PAH: variants seen among roughly 807,000 people sequenced by gnomAD.
PAH encodes the protein phenylalanine-4-hydroxylase.
In PAH, 64 loss-of-function variants were observed where a neutral mutation model predicts 62.0. The observed-to-expected ratio is 1.03, with a 90% CI of 0.84 to 1.27. The LOEUF is 1.27. Ranked by LOEUF, PAH falls within the 50% of genes most tolerant of loss-of-function variation. The probability of loss-of-function intolerance (pLI) is 0.00; values close to 1 mark genes in which losing one functional copy is unlikely to be tolerated. For missense variants in PAH, 579 were observed against 542.8 expected, an observed-to-expected ratio of 1.07 and a Z score of -0.66; for synonymous variants, 195 against 196.2, an observed-to-expected ratio of 0.99 and a Z score of 0.05.
intron 9 of PAH, among the ~76,000 whole-genome samples, chr12:102,845,541 A>G (rs1874800027): frequency 6.6e-6 from 1 of 152,238 alleles, no homozygotes; most frequent in South Asian, 2.1e-4. Context: ...CTGACAGTTC[A>G]ATATGTCCTA....
chr12:102,867,522 T>C (rs571691597), intron 4 of PAH, among the ~76,000 whole-genome samples: 2 of 152,272 alleles, frequency 1.3e-5, no homozygotes, highest in South Asian at 2.1e-4. Flanking sequence ...TTGATTGCAG[T>C]CTAAATTTTG....
chr12:102,868,741 T>C (rs1051652479), intron 4 of PAH, among the ~76,000 whole-genome samples: 2 of 152,192 alleles, frequency 1.3e-5, no homozygotes, highest in African/African-American at 2.4e-5. Context: ...ACCTGTCTAC[T>C]GGACTAAACA....
chr12:102,843,745 AG>A lies in PAH; in HGVS notation c.1099del (p.Leu367TrpfsTer33), dbSNP rs62506951. The A allele has an allele frequency of 1.2e-6, 2 of 1,613,780 alleles. No homozygotes were observed. Among genetic ancestry groups the A allele is most frequent in the Non-Finnish European group, 1.7e-6 (2 of 1,179,758 alleles). ...CLSEKPKLLP[L>X]ELEKTAIQNY... The stretch of plus-strand genomic sequence containing the variant: ...TTGGATGGCTGTCTTCTCCAGCTCC[AG>A]GGGGAGAAGCTTTGGCTTCTCTGAT... On this transcript the variant is annotated frameshift_variant, in exon 11 of 13. Transcript: ENST00000553106. LOFTEE classifies it high-confidence loss of function.
At chr12:102,877,979 T>C (rs1027149372) in intron 3 of PAH, among the ~76,000 whole-genome samples, 4 of 152,062 alleles carry the variant, frequency 2.6e-5, no homozygotes, top group Admixed American at 1.3e-4. Flanking sequence ...GTGCACGCCA[T>C]CATGCCTGCC....
Position 102,917,168 on chromosome 12 carries a change from G to A in PAH, c.-38C>T. On this transcript the variant is annotated 5_prime_UTR_variant, in exon 1 of 13. Coordinates refer to ENST00000553106, the MANE Select transcript of PAH (RefSeq NM_000277.3). The stretch of plus-strand genomic sequence containing the variant: ...GGAGTGAGGTCTCTGGCTTTTTAGG[G>A]CCTCAGGTACAGGCAGGTTTGCAAA... The A allele has an allele frequency of 6.2e-7, 1 of 1,601,036 alleles. No individual in the cohort carries two copies. Among genetic ancestry groups the A allele is most frequent in the Non-Finnish European group, 8.6e-7 (1 of 1,168,194 alleles).
At chr12:102,929,164 A>T (rs1293387372) in intron 1 of PAH, among the ~76,000 whole-genome samples, 1 of 152,168 alleles carries the variant, frequency 6.6e-6, no homozygotes, top group African/African-American at 2.4e-5. Flanking sequence ...GCCCTGCAGA[A>T]TGGTGGGTCA....
intron 2 of PAH, among the ~76,000 whole-genome samples, chr12:102,897,461 G>GTATATA (rs1877551768): frequency 7.7e-6 from 1 of 129,648 alleles, no homozygotes; most frequent in African/African-American, 3.8e-5. Flanking sequence ...ATGTGTGTGT[G>GTATATA]TGTGTATATA....
In PAH at chr12:102,844,312, CCTTGGTTCCTGTGA is replaced by C; in HGVS notation, c.1065+10_1065+23del. 1 of 1,498,710 alleles carries C rather than the reference CCTTGGTTCCTGTGA, an allele frequency of 6.7e-7. No homozygotes were observed. Among genetic ancestry groups the C allele is most frequent in the Non-Finnish European group, 9.3e-7 (1 of 1,074,914 alleles). 92.8% of individuals were successfully genotyped at this position (1,498,710 alleles called of 1,614,324 possible). A position where few individuals can be genotyped will look rare whatever the true frequency, so the allele number is the denominator to read the frequency against. On this transcript the variant is annotated intron_variant, in intron 10 of 12. Coordinates refer to ENST00000553106, the MANE Select transcript of PAH (RefSeq NM_000277.3). ...CTGTACCCACCACTTTTAAATCTAT[CCTTGGTTCCTGTGA>C]AGGTCATACCTGTAATTCACCAAAG...
chr12:102,867,921 A>G (rs528822571), intron 4 of PAH, among the ~76,000 whole-genome samples: 42 of 142,082 alleles, frequency 3.0e-4, no homozygotes, highest in African/African-American at 1.0e-3. Flanking sequence ...ATGTATATAC[A>G]TATATAGATG....
At chr12:102,848,437 TAGA>T in intron 8 of PAH, among the ~76,000 whole-genome samples, 1 of 140,042 alleles carries the variant, frequency 7.1e-6, no homozygotes, top group South Asian at 2.3e-4. Context: ...AGGTTGAGGA[TAGA>T]CAGGACACCA....
intron 1 of PAH, among the ~76,000 whole-genome samples, chr12:102,926,093 A>G (rs890506991): frequency 2.2e-4 from 34 of 152,260 alleles, no homozygotes; most frequent in African/African-American, 7.9e-4. Context: ...GTCTACTCAA[A>G]GTAATTTCAC....
At chr12:102,871,409 T>G (rs1449855806) in intron 4 of PAH, among the ~76,000 whole-genome samples, 1 of 152,200 alleles carries the variant, frequency 6.6e-6, no homozygotes, top group Non-Finnish European at 1.5e-5. Context: ...AGTGGGACCC[T>G]CTTCCCCACT....
Position 102,912,848 on chromosome 12 carries a change from C to A in PAH, c.111G>T (p.Leu37=). The part of the protein sequence containing the change: ...DNCNQNGAIS[L]IFSLKEEVGA... Reference sequence around the variant, plus strand: ...CAACTTCTTCTTTGAGTGAGAAGATCAGTGATATGGCACCATTTTGATTGC... The same window carrying A: ...CAACTTCTTCTTTGAGTGAGAAGATAAGTGATATGGCACCATTTTGATTGC... Residue 37 remains leucine (L), a synonymous_variant, in exon 2 of 13, where the codon CTG becomes CTT. Coordinates refer to ENST00000553106, the MANE Select transcript of PAH (RefSeq NM_000277.3). The A allele has an allele frequency of 6.2e-7, 1 of 1,613,750 alleles. No individual in the cohort carries two copies. The highest frequency in any genetic ancestry group is 8.5e-7 in the Non-Finnish European group (1 of 1,179,722).
Position 102,899,052 on chromosome 12 carries a change from C to T in PAH, c.169-4134G>A, listed in dbSNP as rs541033848. Among the ~76,000 whole-genome samples the T allele has an allele frequency of 2.0e-5, 3 of 152,274 alleles. No homozygotes were observed. The South Asian group carries it at 6.2e-4, about 32-fold the overall frequency. ...TAATGCCAGAGAGATATAGATAGATCTGAAGCTTTCTCTGGCAAACAGAGA... is the reference window on the plus strand; with the variant it reads ...TAATGCCAGAGAGATATAGATAGATTTGAAGCTTTCTCTGGCAAACAGAGA... On this transcript the variant is annotated intron_variant, in intron 2 of 12. Transcript: ENST00000553106.
At chr12:102,870,241 A>C (rs1296256889) in intron 4 of PAH, among the ~76,000 whole-genome samples, 4 of 152,216 alleles carry the variant, frequency 2.6e-5, no homozygotes, top group Non-Finnish European at 4.4e-5. Flanking sequence ...TCCTAATATC[A>C]TAGCTAAGGT....
chr12:102,853,711 GTC>G (rs2048863435), intron 6 of PAH, among the ~76,000 whole-genome samples: 1 of 152,200 alleles, frequency 6.6e-6, no homozygotes, highest in Admixed American at 6.5e-5. Context: ...TCCTGTATCT[GTC>G]TCTCAGTTTG....
chr12:102,882,909 T>C (rs1876881882), intron 3 of PAH, among the ~76,000 whole-genome samples: 1 of 151,996 alleles, frequency 6.6e-6, no homozygotes, highest in South Asian at 2.1e-4. Flanking sequence ...GCCCATAATA[T>C]GTGTTTTATC....
intron 3 of PAH, among the ~76,000 whole-genome samples, chr12:102,882,053 C>T (rs1340578100): frequency 1.3e-5 from 2 of 152,212 alleles, no homozygotes; most frequent in African/African-American, 2.4e-5. Context: ...TCCATAATGG[C>T]TGTGCCAACT....
chr12:102,927,540 A>G (rs946200946), intron 1 of PAH, among the ~76,000 whole-genome samples: 3 of 152,150 alleles, frequency 2.0e-5, no homozygotes. Flanking sequence ...AGAAATGTAG[A>G]AAAATATGCA....
Sources: allele counts gnomAD v4.1 joint callset (sites outside exome capture counted in the v4.1 genomes callset), GRCh38; gene constraint gnomAD v4.1.1; transcripts MANE v1.5; gene names NCBI Gene and HGNC (gene_info 2026-07-23, HGNC 2026-07-21).